The following SLC6A15 variants were observed in gnomAD, a reference collection of about 807,000 sequenced individuals.
The protein encoded by SLC6A15 is solute carrier family 6 member 15.
In SLC6A15, 33 loss-of-function variants were observed where a neutral mutation model predicts 68.5. The ratio of observed to expected loss-of-function variants is 0.48; its 90% CI spans 0.37 to 0.64. SLC6A15 has a LOEUF of 0.64. Ranked by LOEUF, SLC6A15 falls within the 30% of genes least tolerant of loss-of-function variation. The pLI is 0.00. For synonymous variants in SLC6A15, 347 were observed against 301.0 expected (o/e 1.15, Z -1.58); for missense variants, 747 against 874.3 (o/e 0.85, Z 1.84).
intron 1 of SLC6A15, among the ~76,000 whole-genome samples, chr12:84,908,688 A>G (rs113169457): frequency 0.033 from 4,972 of 150,816 alleles, 256 homozygotes; most frequent in African/African-American, 0.11. Flanking sequence ...AAGTAACCAA[A>G]ATCTTCAATA....
intron 1 of SLC6A15, among the ~76,000 whole-genome samples, chr12:84,904,868 C>A (rs370022758): frequency 6.6e-5 from 10 of 152,168 alleles, no homozygotes; most frequent in African/African-American, 2.4e-4. Flanking sequence ...CACAAACTAC[C>A]ACAACTTAGC....
intron 2 of SLC6A15, among the ~76,000 whole-genome samples, chr12:84,889,951 CT>C (rs1872313925): frequency 6.6e-6 from 1 of 151,938 alleles, no homozygotes; most frequent in Non-Finnish European, 1.5e-5. Context: ...ACTCTATTAC[CT>C]TTTTTTTCTA....
chr12:84,881,560 C>T (rs1871821357), intron 5 of SLC6A15: 2 of 985,208 alleles, frequency 2.0e-6, no homozygotes, highest in African/African-American at 1.7e-5. Flanking sequence ...CCCTATCATA[C>T]CCCTCTTTTA....
intron 10 of SLC6A15, among the ~76,000 whole-genome samples, 196 bp downstream of exon 10, chr12:84,866,838 A>G (rs1871085779): frequency 6.6e-6 from 1 of 152,196 alleles, no homozygotes; most frequent in African/African-American, 2.4e-5. Context: ...ATTACATCCT[A>G]TATAATTCTA....
intron 9 of SLC6A15, among the ~76,000 whole-genome samples, chr12:84,869,274 A>G (rs1871187478): frequency 6.6e-6 from 1 of 151,976 alleles, no homozygotes; most frequent in Non-Finnish European, 1.5e-5. Context: ...CCTGGCTAAC[A>G]CGGTGAAACC....
chr12:84,893,548 G>C (rs1054370934), intron 1 of SLC6A15, among the ~76,000 whole-genome samples: 1 of 152,048 alleles, frequency 6.6e-6, no homozygotes, highest in East Asian at 1.9e-4. Context: ...AAATATGACT[G>C]CTTCTCTTCA....
chr12:84,890,624 C>T (rs1490266421), intron 2 of SLC6A15, among the ~76,000 whole-genome samples: 2 of 152,158 alleles, frequency 1.3e-5, no homozygotes, highest in East Asian at 3.9e-4. Flanking sequence ...GCCAAATGGA[C>T]TACTTTTTCC....
At chr12:84,892,743 C>G (rs957241306) in intron 1 of SLC6A15, among the ~76,000 whole-genome samples, 1 of 152,094 alleles carries the variant, frequency 6.6e-6, no homozygotes, top group Non-Finnish European at 1.5e-5. Flanking sequence ...TTCAAACATT[C>G]GTCATTCACT....
chr12:84,899,937 T>C (rs1872785651), intron 1 of SLC6A15, among the ~76,000 whole-genome samples: 2 of 152,108 alleles, frequency 1.3e-5, no homozygotes, highest in Non-Finnish European at 2.9e-5. Context: ...TTGTGTTCTT[T>C]TTCAAGATTG....
At chr12:84,903,445 T>A (rs1872983789) in intron 1 of SLC6A15, among the ~76,000 whole-genome samples, 1 of 151,932 alleles carries the variant, frequency 6.6e-6, no homozygotes, top group Middle Eastern at 3.4e-3. Context: ...ATAAAAAAAA[T>A]TACTTCAAAT....
In SLC6A15 at chr12:84,892,174, T is replaced by C. The variant is rs189748805; in HGVS notation, c.-54A>G. ...AAAAAAAAAACTCCCTTATGGCAAA[T>C]GTGTTAACTCTATTTTTCAAAACAA... On this transcript the variant is annotated 5_prime_UTR_variant, in exon 2 of 12. Transcript: ENST00000266682. 6.8e-5 allele frequency: 98 copies of C among 1,447,944 alleles called. No homozygotes were observed. In the South Asian group the frequency reaches 8.6e-4, roughly 13 times the overall value. The allele number at this position is 1,447,944 out of a possible 1,614,324, so 89.7% of individuals were successfully genotyped here.
chr12:84,887,513 T>C (rs892248275), intron 2 of SLC6A15, among the ~76,000 whole-genome samples: 2 of 152,218 alleles, frequency 1.3e-5, no homozygotes, highest in African/African-American at 4.8e-5. Flanking sequence ...CATTCTTAGT[T>C]GATTCTAACA....
chr12:84,886,139 C>T (rs1872091700), intron 2 of SLC6A15, 71 bp from the exon 3 acceptor site: 1 of 1,067,026 alleles, frequency 9.4e-7, no homozygotes. Context: ...CAGTTTATCC[C>T]ATTAAAGATA....
At chr12:84,901,339 T>A (rs915172010) in intron 1 of SLC6A15, among the ~76,000 whole-genome samples, 6 of 151,822 alleles carry the variant, frequency 4.0e-5, no homozygotes, top group African/African-American at 1.4e-4. Flanking sequence ...TGGTAAGCCA[T>A]CTTTTTGAAG....
chr12:84,866,338 C>G (rs897778787), intron 10 of SLC6A15, among the ~76,000 whole-genome samples: 3 of 152,096 alleles, frequency 2.0e-5, no homozygotes, highest in Non-Finnish European at 4.4e-5. Context: ...CTTTTCACAT[C>G]AGTGTACCTG....
intron 2 of SLC6A15, among the ~76,000 whole-genome samples, chr12:84,888,302 CACTT>C (rs1176730539): frequency 2.0e-5 from 3 of 148,540 alleles, no homozygotes; most frequent in African/African-American, 7.5e-5. Flanking sequence ...AAAAAAAAGA[CACTT>C]ACATGCATAT....
chr12:84,879,666 A>G (rs1170133216), intron 5 of SLC6A15, among the ~76,000 whole-genome samples: 1 of 151,874 alleles, frequency 6.6e-6, no homozygotes, highest in Non-Finnish European at 1.5e-5. Context: ...TCCACTTAGT[A>G]TGTTCTAATC....
chr12:84,890,794 C>A (rs1287861487), intron 2 of SLC6A15, among the ~76,000 whole-genome samples: 1 of 151,964 alleles, frequency 6.6e-6, no homozygotes, highest in Non-Finnish European at 1.5e-5. Flanking sequence ...AGATTACAAC[C>A]ACATTAAAAA....
chr12:84,876,529 T>C lies in SLC6A15; in HGVS notation c.835A>G (p.Ile279Val), dbSNP rs1871554018. 4 of 1,600,250 alleles carry C rather than the reference T, an allele frequency of 2.5e-6. No homozygotes were observed. The highest frequency in any genetic ancestry group is 1.3e-5 in the African/African-American group (1 of 74,296). Reference sequence around the variant, plus strand: ...GTAAACATGTGGCGAATGCCATCAATTGAACCATTTAAAAGGAATGCTCTG... The same window carrying C: ...GTAAACATGTGGCGAATGCCATCAACTGAACCATTTAAAAGGAATGCTCTG... ...LIRAFLLNGSIDGIRHMFTPK... is the reference protein window; with the variant it reads ...LIRAFLLNGSVDGIRHMFTPK... The change falls in exon 6 of 12, where the codon ATT (isoleucine) becomes GTT (valine). Residue 279 changes from isoleucine (I) to valine (V), a missense_variant. Ile to Val is a conservative substitution (Grantham distance 29). Coordinates refer to ENST00000266682, the MANE Select transcript of SLC6A15 (RefSeq NM_182767.6).
Sources: allele counts gnomAD v4.1 joint callset (sites outside exome capture counted in the v4.1 genomes callset), GRCh38; gene constraint gnomAD v4.1.1; transcripts MANE v1.5; gene names NCBI Gene and HGNC (gene_info 2026-07-23, HGNC 2026-07-21).